PXDNL: variants seen among roughly 807,000 people sequenced by gnomAD.
PXDNL encodes probable oxidoreductase PXDNL.
A neutral mutation model predicts 150.8 loss-of-function variants in PXDNL; 145 were observed. The observed-to-expected ratio is 0.96, with a 90% CI of 0.84 to 1.10. The LOEUF is 1.10. Among genes scored for constraint, PXDNL ranks in the 50% least tolerant of loss-of-function variants. The probability of loss-of-function intolerance (pLI) is 0.00; values close to 1 mark genes in which losing one functional copy is unlikely to be tolerated. For synonymous variants in PXDNL, 757 were observed against 725.7 expected, an observed-to-expected ratio of 1.04 and a Z score of -0.69; for missense variants, 2,087 against 1,873.9, an observed-to-expected ratio of 1.11 and a Z score of -2.10.
At chr8:51,701,886 G>A (rs1394304934) in intron 1 of PXDNL, among the ~76,000 whole-genome samples, 1 of 152,098 alleles carries the variant, frequency 6.6e-6, no homozygotes, top group Non-Finnish European at 1.5e-5. Flanking sequence ...GAAGCCAGTG[G>A]TTCTCAGCTC....
intron 1 of PXDNL, among the ~76,000 whole-genome samples, chr8:51,765,297 A>C (rs4534123): frequency 0.18 from 27,264 of 152,112 alleles, 2,848 homozygotes; most frequent in Non-Finnish European, 0.22. Context: ...TGATGGTCTT[A>C]TAAGGTGAAA....
intron 12 of PXDNL, among the ~76,000 whole-genome samples, chr8:51,439,258 T>G (rs10106667): frequency 0.95 from 144,437 of 152,156 alleles, 68,788 homozygotes; most frequent in Non-Finnish European, 0.99. Context: ...CAAAAAGTGG[T>G]CTAAGGACAT....
chr8:51,488,447 T>G (rs946837373), intron 5 of PXDNL, among the ~76,000 whole-genome samples: 18 of 152,100 alleles, frequency 1.2e-4, no homozygotes, highest in Admixed American at 9.8e-4. Flanking sequence ...CCACCATCCA[T>G]ACAGAACACC....
In PXDNL at chr8:51,758,215, A is replaced by G. The variant is rs955262910; in HGVS notation, c.164+50966T>C. ...GGTCTTCCTAGTCACCAGTGGAGTC[A>G]CCACCTCACACGTATTATAGCTAAA... On this transcript the variant is annotated intron_variant, in intron 1 of 22. Transcript: ENST00000356297. Among the ~76,000 whole-genome samples the G allele has an allele frequency of 3.9e-5, 6 of 152,312 alleles. No homozygotes were observed. In the East Asian group the frequency reaches 1.2e-3, roughly 29 times the overall value.
chr8:51,712,683 GA>G (rs994806448), intron 1 of PXDNL, among the ~76,000 whole-genome samples: 27 of 152,086 alleles, frequency 1.8e-4, no homozygotes, highest in African/African-American at 5.8e-4. Flanking sequence ...TATAGTATAA[GA>G]AAAAAAGTCT....
intron 1 of PXDNL, among the ~76,000 whole-genome samples, chr8:51,745,349 GAAAGTCAATCCAACAAAC>G (rs1158359764): frequency 6.6e-6 from 1 of 152,108 alleles, no homozygotes; most frequent in East Asian, 1.9e-4. Flanking sequence ...ACAAATAGAA[GAAAGTCAATCCAACAAAC>G]AAATAACAAC....
intron 2 of PXDNL, among the ~76,000 whole-genome samples, chr8:51,596,309 C>T (rs1475386872): frequency 2.0e-5 from 3 of 152,094 alleles, no homozygotes; most frequent in Admixed American, 1.3e-4. Context: ...CTGATGAACA[C>T]CTGTGTTGAT....
chr8:51,532,521 T>C (rs1408250666), intron 4 of PXDNL, among the ~76,000 whole-genome samples: 2 of 152,266 alleles, frequency 1.3e-5, no homozygotes, highest in African/African-American at 4.8e-5. Context: ...ATTACTATTA[T>C]TGCTATTTCA....
intron 1 of PXDNL, among the ~76,000 whole-genome samples, chr8:51,759,155 A>G (rs891010156): frequency 2.0e-5 from 3 of 152,142 alleles, no homozygotes; most frequent in African/African-American, 7.2e-5. Flanking sequence ...GCATTGGTTG[A>G]AGAAGGTACC....
At position 51,612,616 on chromosome 8, in the gene PXDNL, G is replaced by A. The variant is rs572936201; in HGVS notation, c.237-19918C>T. ...GAGAGGTGATCAGGTCATGAGGGAG[G>A]AGCTCCCTTTAATGGGATTAGCGCC... On this transcript the variant is annotated intron_variant, in intron 2 of 22. Coordinates refer to ENST00000356297, the MANE Select transcript of PXDNL (RefSeq NM_144651.5). Among the ~76,000 whole-genome samples, 4 of 152,208 alleles carry A rather than the reference G, an allele frequency of 2.6e-5. No homozygotes were observed. In the South Asian group the frequency reaches 6.2e-4, roughly 24 times the overall value.
intron 1 of PXDNL, among the ~76,000 whole-genome samples, chr8:51,663,291 G>C (rs778544068): frequency 1.3e-5 from 2 of 152,160 alleles, no homozygotes; most frequent in Non-Finnish European, 2.9e-5. Flanking sequence ...CCCACCATTG[G>C]CTGACTACCA....
intron 5 of PXDNL, among the ~76,000 whole-genome samples, chr8:51,490,148 C>T (rs954626910): frequency 6.6e-6 from 1 of 152,128 alleles, no homozygotes; most frequent in African/African-American, 2.4e-5. Flanking sequence ...AAGAAAATAA[C>T]AGTTCAAATA....
intron 2 of PXDNL, among the ~76,000 whole-genome samples, chr8:51,607,989 G>GAT (rs1813880605): frequency 8.3e-6 from 1 of 121,070 alleles, no homozygotes; most frequent in African/African-American, 4.1e-5. Context: ...AAGGAAGAGA[G>GAT]AGAGGAAGGA....
intron 17 of PXDNL, among the ~76,000 whole-genome samples, chr8:51,389,321 C>T (rs772802823): frequency 6.6e-6 from 1 of 152,154 alleles, no homozygotes; most frequent in South Asian, 2.1e-4. Flanking sequence ...AATTCAGATT[C>T]TTTTCCTGTG....
At chr8:51,376,962 C>T (rs1440041680) in intron 17 of PXDNL, among the ~76,000 whole-genome samples, 1 of 152,134 alleles carries the variant, frequency 6.6e-6, no homozygotes, top group African/African-American at 2.4e-5. Context: ...TCCTGATCCA[C>T]CCTCCTCAGC....
rs994639741 is a variant in PXDNL, at chr8:51,637,637, G to C, written c.236+17052C>G. The stretch of plus-strand genomic sequence containing the variant: ...CCAAATGAATGAAATGAAGTGAAAA[G>C]AGAAGTTTAGAGAAAAAAGAGTAAA... On this transcript the variant is annotated intron_variant, in intron 2 of 22. Coordinates refer to ENST00000356297, the MANE Select transcript of PXDNL (RefSeq NM_144651.5). Among the ~76,000 whole-genome samples, 3 of 152,284 alleles carry C rather than the reference G, an allele frequency of 2.0e-5. No individual in the cohort carries two copies. In the East Asian group the frequency reaches 5.8e-4, roughly 29 times the overall value.
At chr8:51,720,516 A>C (rs2130915120) in intron 1 of PXDNL, among the ~76,000 whole-genome samples, 1 of 152,286 alleles carries the variant, frequency 6.6e-6, no homozygotes, top group South Asian at 2.1e-4. Context: ...GAGAATTTAT[A>C]CATAGTATTT....
intron 2 of PXDNL, among the ~76,000 whole-genome samples, chr8:51,644,661 G>A (rs1687352765): frequency 1.3e-5 from 2 of 151,530 alleles, no homozygotes; most frequent in Non-Finnish European, 2.9e-5. Context: ...GTTTCACCGT[G>A]TTAGCCAGGA....
At chr8:51,583,862 A>G (rs930265855) in intron 3 of PXDNL, among the ~76,000 whole-genome samples, 4 of 152,196 alleles carry the variant, frequency 2.6e-5, no homozygotes, top group Non-Finnish European at 5.9e-5. Context: ...TGTCAAGATT[A>G]TAAAGTAATG....
Sources: allele counts gnomAD v4.1 joint callset (sites outside exome capture counted in the v4.1 genomes callset), GRCh38; gene constraint gnomAD v4.1.1; transcripts MANE v1.5; gene names NCBI Gene and HGNC (gene_info 2026-07-23, HGNC 2026-07-21).